The following MAPKAPK2 variants were observed in gnomAD, a reference collection of about 807,000 sequenced individuals.
The protein encoded by MAPKAPK2 is MAP kinase-activated protein kinase 2.
MAPKAPK2 carries 9 observed loss-of-function variants against 48.8 expected under a neutral mutation model. That is an observed-to-expected ratio of 0.18 (90% CI 0.11 to 0.32). MAPKAPK2 has a LOEUF of 0.32. Ranked by LOEUF, MAPKAPK2 falls within the 10% of genes least tolerant of loss-of-function variation. MAPKAPK2 has a pLI of 1.00. For missense variants in MAPKAPK2, 331 were observed against 498.3 expected, an observed-to-expected ratio of 0.66 and a Z score of 3.20; for synonymous variants, 202 against 190.6, an observed-to-expected ratio of 1.06 and a Z score of -0.49.
chr1:206,712,737 G>A (rs1374205594), intron 1 of MAPKAPK2, among the ~76,000 whole-genome samples: 1 of 152,034 alleles, frequency 6.6e-6, no homozygotes, highest in Non-Finnish European at 1.5e-5. Context: ...AGGCCGAGGT[G>A]GGTGAATGAC....
rs1572517571 is a variant in MAPKAPK2 at position 206,730,912 on chromosome 1, G to A, written c.767+149G>A. 2.2e-5 allele frequency: 22 copies of A among 992,150 alleles called. No homozygotes were observed. In the East Asian group the frequency reaches 5.4e-4, roughly 25 times the overall value. 61.5% of individuals were successfully genotyped at this position (992,150 alleles called of 1,614,324 possible). ...CTTCTCTCAGTTCCGATAGCTAAGT[G>A]GCGGGTGTAAACCAGCTCATGGGCT... On this transcript the variant is annotated intron_variant, in intron 6 of 9. Transcript: ENST00000367103.
chr1:206,701,825 T>A, intron 1 of MAPKAPK2, among the ~76,000 whole-genome samples: 1 of 115,516 alleles, frequency 8.7e-6, no homozygotes, highest in African/African-American at 3.3e-5. Flanking sequence ...AATGAGACCC[T>A]GTCTCTAAAA....
Position 206,730,732 on chromosome 1 carries a change from A to G in MAPKAPK2, c.736A>G (p.Met246Val). ...GPEKYDKSCD[M>V]WSLGVIMYIL... ...AGAGAAGTATGACAAGTCCTGTGAC[A>G]TGTGGTCCCTGGGTGTCATCATGTA... is the stretch of plus-strand genomic sequence containing the variant. The change falls in exon 6 of 10, where the codon ATG (methionine) becomes GTG (valine). Residue 246 changes from methionine to valine, a missense_variant. This residue lies in a region of MAPKAPK2 where 3 missense variants were observed against 29.2 expected (regional missense o/e 0.10). Coordinates refer to ENST00000367103, the MANE Select transcript of MAPKAPK2 (RefSeq NM_032960.4). 3 of 1,349,296 alleles carry G rather than the reference A, an allele frequency of 2.2e-6. No homozygotes were observed. The highest frequency in any genetic ancestry group is 4.7e-5 in the East Asian group (1 of 21,122). 83.6% of individuals were successfully genotyped at this position (1,349,296 alleles called of 1,614,324 possible).
Position 206,732,770 on chromosome 1 carries a change from A to C in MAPKAPK2, c.*52A>C. The C allele has an allele frequency of 6.3e-7, 1 of 1,598,452 alleles. No homozygotes were observed. The highest frequency in any genetic ancestry group is 8.5e-7 in the Non-Finnish European group (1 of 1,170,304). ...GGACAAGCAATAACTCTCTACAGGA[A>C]TATATTTTTTAAACGAAGAGACAGA... On this transcript the variant is annotated 3_prime_UTR_variant, in exon 10 of 10. Coordinates refer to ENST00000367103, the MANE Select transcript of MAPKAPK2 (RefSeq NM_032960.4). This position sits in a 1 kb window ranked among gnomAD's most constrained non-coding sequence, Gnocchi z 4.4.
At chr1:206,689,962 C>T (rs1407784420) in intron 1 of MAPKAPK2, among the ~76,000 whole-genome samples, 1 of 152,114 alleles carries the variant, frequency 6.6e-6, no homozygotes, top group East Asian at 1.9e-4. Flanking sequence ...ACTCCAGGAG[C>T]TAAGGGAGGC....
intron 1 of MAPKAPK2, among the ~76,000 whole-genome samples, chr1:206,690,388 G>C (rs556922096): frequency 6.6e-6 from 1 of 152,320 alleles, no homozygotes; most frequent in Admixed American, 6.5e-5. Context: ...GACTGAGCTT[G>C]GAGACAATCT....
At chr1:206,729,497 G>C in intron 4 of MAPKAPK2, 22 bp downstream of exon 4, 1 of 1,606,200 alleles carries the variant, frequency 6.2e-7, no homozygotes, top group Non-Finnish European at 8.5e-7. Flanking sequence ...TCATAACCCT[G>C]AGCCCGAGTG....
At chr1:206,725,768 C>T (rs538006423) in intron 1 of MAPKAPK2, among the ~76,000 whole-genome samples, 12 of 152,240 alleles carry the variant, frequency 7.9e-5, no homozygotes, top group Admixed American at 6.5e-4. Flanking sequence ...AGGGGGCGAT[C>T]GAGGTTCTTT....
Position 206,732,655 on chromosome 1 carries a change from C to T in MAPKAPK2, c.1140C>T (p.Asn380=), listed in dbSNP as rs782775477. Residue 380 remains asparagine (N), a synonymous_variant, in exon 10 of 10, where the codon AAC becomes AAT. Transcript: ENST00000367103. The surrounding 1 kb of genome is among the most constrained non-coding windows in gnomAD (Gnocchi z 4.4). Reference sequence around the variant, plus strand: ...TAAAAAAGATTGAAGATGCATCCAACCCTCTGCTGCTGAAGAGGCGGAAGA... The same window carrying T: ...TAAAAAAGATTGAAGATGCATCCAATCCTCTGCTGCTGAAGAGGCGGAAGA... The part of the protein sequence containing the change: ...IKIKKIEDAS[N]PLLLKRRKKA... The T allele has an allele frequency of 7.4e-6, 12 of 1,614,238 alleles. No homozygotes were observed. Among genetic ancestry groups the T allele is most frequent in the Non-Finnish European group, 1.0e-5 (12 of 1,180,042 alleles).
intron 1 of MAPKAPK2, among the ~76,000 whole-genome samples, chr1:206,689,876 C>T (rs1189522702): frequency 3.3e-5 from 5 of 152,314 alleles, no homozygotes; most frequent in Middle Eastern, 3.4e-3. Context: ...AGAACGTTCT[C>T]CTAGACTTTG....
Position 206,685,507 on chromosome 1 carries a change from A to C in MAPKAPK2, c.278A>C (p.Lys93Thr). The change falls in exon 1 of 10, where the codon AAA becomes ACA. Residue 93 changes from lysine (K) to threonine (T), a missense_variant and splice_region_variant. By Grantham distance (78) the Lys-to-Thr change is moderately conservative (BLOSUM62 -1). Transcript: ENST00000367103. Reference sequence around the variant, plus strand: ...AGGACCCAGGAGAAATTCGCCCTCAAAGTAGGTCTGGGGCCCGGGGAGGGG... The same window carrying C: ...AGGACCCAGGAGAAATTCGCCCTCACAGTAGGTCTGGGGCCCGGGGAGGGG... The part of the protein sequence containing the change: ...NKRTQEKFAL[K>T]MLQDCPKARR... 2 of 1,512,242 alleles carry C rather than the reference A, an allele frequency of 1.3e-6. No individual in the cohort carries two copies. Among genetic ancestry groups the C allele is most frequent in the Non-Finnish European group, 8.9e-7 (1 of 1,123,600 alleles). The allele number at this position is 1,512,242 out of a possible 1,614,324, so 93.7% of individuals were successfully genotyped here. A position where few individuals can be genotyped will look rare whatever the true frequency, so the allele number is the denominator to read the frequency against.
At chr1:206,705,151 A>G (rs1253226175) in intron 1 of MAPKAPK2, among the ~76,000 whole-genome samples, 2 of 152,214 alleles carry the variant, frequency 1.3e-5, no homozygotes, top group Non-Finnish European at 2.9e-5. Flanking sequence ...ATTCAGAGCA[A>G]AAGTCACCTG....
At chr1:206,706,152 A>ATTTCC in intron 1 of MAPKAPK2, among the ~76,000 whole-genome samples, 1 of 123,446 alleles carries the variant, frequency 8.1e-6, no homozygotes, top group South Asian at 2.4e-4. Flanking sequence ...TTATTTATTT[A>ATTTCC]TTTATTTGCT....
intron 1 of MAPKAPK2, among the ~76,000 whole-genome samples, chr1:206,696,747 C>T (rs1249859205): frequency 1.3e-5 from 2 of 152,134 alleles, no homozygotes; most frequent in Non-Finnish European, 2.9e-5. Context: ...GCATTATATG[C>T]ATTATACTTA....
Position 206,732,631 on chromosome 1 carries a change from A to C in MAPKAPK2, c.1116A>C (p.Ile372=). The C allele has an allele frequency of 6.2e-7, 1 of 1,614,188 alleles. No individual in the cohort carries two copies. The highest frequency in any genetic ancestry group is 8.5e-7 in the Non-Finnish European group (1 of 1,180,032). The change falls in exon 10 of 10, where the codon ATA becomes ATC. Residue 372 remains isoleucine, a synonymous_variant. Coordinates refer to ENST00000367103, the MANE Select transcript of MAPKAPK2 (RefSeq NM_032960.4). This position sits in a 1 kb window ranked among gnomAD's most constrained non-coding sequence, Gnocchi z 4.4. The part of the protein sequence containing the change: ...TMRVDYEQIK[I]KKIEDASNPL... ...GCGTTGACTACGAGCAGATCAAGAT[A>C]AAAAAGATTGAAGATGCATCCAACC... is the stretch of plus-strand genomic sequence containing the variant.
chr1:206,731,360 T>C lies in MAPKAPK2; in HGVS notation c.892+98T>C. On this transcript the variant is annotated intron_variant, in intron 7 of 9. Transcript: ENST00000367103. This position sits in a 1 kb window ranked among gnomAD's most constrained non-coding sequence, Gnocchi z 5.9. ...GACACATGTATGGGCCTCCATCTCA[T>C]GTGCGTGGTGTAACTGTGGGTTAGC... The C allele has an allele frequency of 6.4e-7, 1 of 1,563,124 alleles. No individual in the cohort carries two copies. Among genetic ancestry groups the C allele is most frequent in the Non-Finnish European group, 8.7e-7 (1 of 1,152,790 alleles).
chr1:206,695,803 A>G (rs112320326), intron 1 of MAPKAPK2: 56 of 293,694 alleles, frequency 1.9e-4, no homozygotes, highest in African/African-American at 1.1e-3. Context: ...GTAATTTATT[A>G]ACGGAAAATA....
In MAPKAPK2 at chr1:206,704,308, G is replaced by A. The variant is rs1176349960; in HGVS notation, c.279+18800G>A. On this transcript the variant is annotated intron_variant, in intron 1 of 9. Coordinates refer to ENST00000367103, the MANE Select transcript of MAPKAPK2 (RefSeq NM_032960.4). This position sits in a 1 kb window ranked among gnomAD's most constrained non-coding sequence, Gnocchi z 4.3. ...TCCATTTGTTACCTGGCCCACGGAT[G>A]GAGGAGGTCGGATGGGGTCTCCCAG... Among the ~76,000 whole-genome samples the A allele has an allele frequency of 6.6e-6, 1 of 152,236 alleles. No homozygotes were observed. Among genetic ancestry groups the A allele is most frequent in the Admixed American group, 6.5e-5 (1 of 15,288 alleles).
chr1:206,702,313 G>A (rs1672821986), intron 1 of MAPKAPK2, among the ~76,000 whole-genome samples: 1 of 152,214 alleles, frequency 6.6e-6, no homozygotes, highest in African/African-American at 2.4e-5. Flanking sequence ...ATATTTGAGG[G>A]CAGCTGTGGT....
Sources: allele counts gnomAD v4.1 joint callset (sites outside exome capture counted in the v4.1 genomes callset), GRCh38; gene constraint gnomAD v4.1.1; regional missense constraint gnomAD v4.1.1; non-coding constraint Gnocchi (gnomAD v3.1); transcripts MANE v1.5; gene names NCBI Gene and HGNC (gene_info 2026-07-23, HGNC 2026-07-21).